Variants in ANGPT2 observed in about 807,000 individuals in gnomAD.
ANGPT2 encodes the protein angiopoietin 2.
Under a neutral mutation model 62.9 loss-of-function variants are expected in ANGPT2, and 28 were observed. The ratio of observed to expected loss-of-function variants is 0.44; its 90% CI spans 0.33 to 0.61. The LOEUF is 0.61. Ranked by LOEUF, ANGPT2 falls within the 20% of genes least tolerant of loss-of-function variation. The pLI is 0.03. For missense variants in ANGPT2, 727 were observed against 594.9 expected (o/e 1.22, Z -2.31); for synonymous variants, 284 against 207.8 (o/e 1.37, Z -3.15).
At chr8:6,514,567 A>G (rs1815859550) in intron 6 of ANGPT2, 110 bp downstream of exon 6, 1 of 937,338 alleles carries the variant, frequency 1.1e-6, no homozygotes, top group Non-Finnish European at 1.7e-6. Context: ...TTTAAAAACC[A>G]TGTCAAAAGT....
At chr8:6,521,063 T>C (rs1817242894) in intron 4 of ANGPT2, 115 bp downstream of exon 4, 2 of 699,524 alleles carry the variant, frequency 2.9e-6, no homozygotes, top group African/African-American at 1.8e-5. Context: ...AGATATTTCA[T>C]ATGAAATATA....
chr8:6,540,963 TC>T (rs144937520), intron 1 of ANGPT2, among the ~76,000 whole-genome samples: 70 of 152,298 alleles, frequency 4.6e-4, no homozygotes, highest in African/African-American at 1.7e-3. Flanking sequence ...GGGACTGCTG[TC>T]CCCAGGGGGC....
intron 1 of ANGPT2, among the ~76,000 whole-genome samples, chr8:6,548,347 C>T (rs1586556336): frequency 6.6e-6 from 1 of 152,192 alleles, no homozygotes; most frequent in East Asian, 1.9e-4. Context: ...ACTTAGATGC[C>T]TTTCATGGGC....
At chr8:6,549,022 A>G (rs903627963) in intron 1 of ANGPT2, among the ~76,000 whole-genome samples, 35 of 152,364 alleles carry the variant, frequency 2.3e-4, no homozygotes, top group African/African-American at 8.2e-4. Context: ...TCACGGAATA[A>G]ACACCAAGAC....
In ANGPT2 at chr8:6,527,638, C is replaced by G. The variant is rs998218905; in HGVS notation, c.483G>C (p.Leu161Phe). Residue 161 changes from leucine to phenylalanine, a missense_variant, in exon 3 of 9, where the codon TTG becomes TTC. Leu to Phe is a conservative substitution (Grantham distance 22). Coordinates refer to ENST00000629816, the MANE Select transcript of ANGPT2 (RefSeq NM_001118887.2). ...ATTTGTTTGTCGAGAGGGAGTGTTC[C>G]AAGAGCTGAAGTTCAAGTCTCGTGG... ...NQTTRLELQL[L>F]EHSLSTNKLE... 6.2e-7 allele frequency: 1 copy of G among 1,613,874 alleles called. No individual in the cohort carries two copies. Among genetic ancestry groups the G allele is most frequent in the East Asian group, 2.2e-5 (1 of 44,866 alleles).
chr8:6,500,056 T>C lies in ANGPT2; in HGVS notation c.*3045A>G. 1 of 785,830 alleles carries C rather than the reference T, an allele frequency of 1.3e-6. No homozygotes were observed. The allele number at this position is 785,830 out of a possible 1,614,324, so 48.7% of individuals were successfully genotyped here. ...ATTATGCCCATAATTAAAAAGACAT[T>C]CACAGAACTTAACACCTTTTATCAA... On this transcript the variant is annotated 3_prime_UTR_variant, in exon 9 of 9. Transcript: ENST00000629816.
At chr8:6,535,471 A>G (rs764248639) in intron 1 of ANGPT2, among the ~76,000 whole-genome samples, 1 of 152,210 alleles carries the variant, frequency 6.6e-6, no homozygotes, top group Non-Finnish European at 1.5e-5. Context: ...GCTATTCAGG[A>G]TGACTAAGTA....
At chr8:6,516,250 A>C (rs566434315) in intron 5 of ANGPT2, among the ~76,000 whole-genome samples, 5 of 152,336 alleles carry the variant, frequency 3.3e-5, no homozygotes, top group African/African-American at 4.8e-5. Flanking sequence ...TCATTGCTAC[A>C]CACCACTCTC....
At chr8:6,505,563 GTATA>G (rs1261793267) in intron 8 of ANGPT2, among the ~76,000 whole-genome samples, 2 of 73,230 alleles carry the variant, frequency 2.7e-5, no homozygotes, top group East Asian at 4.4e-4. Flanking sequence ...CTTTATATAT[GTATA>G]TATAGAATGT....
chr8:6,536,583 C>A (rs142042260), intron 1 of ANGPT2, among the ~76,000 whole-genome samples: 1 of 152,112 alleles, frequency 6.6e-6, no homozygotes, highest in Admixed American at 6.5e-5. Flanking sequence ...AGCATCCTGA[C>A]AAAAGAATCT....
intron 1 of ANGPT2, among the ~76,000 whole-genome samples, chr8:6,540,087 C>T (rs1044858630): frequency 1.3e-5 from 2 of 152,158 alleles, no homozygotes; most frequent in Non-Finnish European, 2.9e-5. Context: ...ATAGGTACAC[C>T]CTACAGTAAT....
chr8:6,505,619 A>G (rs1468840307), intron 8 of ANGPT2, among the ~76,000 whole-genome samples: 6 of 128,402 alleles, frequency 4.7e-5, no homozygotes, highest in African/African-American at 1.7e-4. Flanking sequence ...TTCTTTATAT[A>G]TTTATATATG....
At chr8:6,553,794 G>C (rs1012010469) in intron 1 of ANGPT2, among the ~76,000 whole-genome samples, 2 of 152,022 alleles carry the variant, frequency 1.3e-5, no homozygotes, top group Non-Finnish European at 2.9e-5. Flanking sequence ...GCAGAAAAGC[G>C]AATGTCAGAC....
At chr8:6,540,582 C>T (rs932645223) in intron 1 of ANGPT2, among the ~76,000 whole-genome samples, 1 of 152,228 alleles carries the variant, frequency 6.6e-6, no homozygotes, top group Admixed American at 6.5e-5. Flanking sequence ...TACAGTGCAA[C>T]AGACGTTGTC....
At chr8:6,527,796 C>G (rs941241850) in intron 2 of ANGPT2, 120 bp from the exon 3 acceptor site, 1 of 947,218 alleles carries the variant, frequency 1.1e-6, no homozygotes, top group Non-Finnish European at 1.5e-6. Flanking sequence ...ATTTATTAAC[C>G]CAAGTATCTT....
intron 7 of ANGPT2, among the ~76,000 whole-genome samples, chr8:6,513,457 C>G (rs1467804789): frequency 6.6e-6 from 1 of 151,762 alleles, no homozygotes; most frequent in Admixed American, 6.6e-5. Context: ...CTCAGCCTCC[C>G]GAGTAGCTGG....
At chr8:6,526,469 A>T in intron 3 of ANGPT2, among the ~76,000 whole-genome samples, 1 of 152,000 alleles carries the variant, frequency 6.6e-6, no homozygotes, top group Non-Finnish European at 1.5e-5. Flanking sequence ...TGAAATTAGC[A>T]GGATTGTTAT....
rs1816998022 is a variant in ANGPT2 at position 6,519,942 on chromosome 8, A to G, written c.849T>C (p.Cys283=). The G allele has an allele frequency of 1.9e-6, 3 of 1,614,056 alleles. No homozygotes were observed. The highest frequency in any genetic ancestry group is 2.7e-5 in the African/African-American group (2 of 75,058). Residue 283 remains cysteine (C), a synonymous_variant, in exon 5 of 9, where the codon TGT becomes TGC. Coordinates refer to ENST00000629816, the MANE Select transcript of ANGPT2 (RefSeq NM_001118887.2). ...AKEEQISFRD[C]AEVFKSGHTT... ...TGTGTCCTGATTTGAATACTTCAGC[A>G]CAGTCTCTGAAGCTGATTTGTTCTT... is the stretch of plus-strand genomic sequence containing the variant.
At chr8:6,529,030 T>C (rs912174666) in intron 2 of ANGPT2, among the ~76,000 whole-genome samples, 2 of 152,218 alleles carry the variant, frequency 1.3e-5, no homozygotes, top group Non-Finnish European at 2.9e-5. Context: ...ACTGGAAAAT[T>C]GTGTCCTGTT....
Sources: gnomAD v4.1 joint callset for allele counts (sites outside exome capture counted in the v4.1 genomes callset) on GRCh38, gnomAD v4.1.1 for gene constraint, MANE v1.5 for transcripts, NCBI Gene and HGNC (gene_info 2026-07-23, HGNC 2026-07-21) for gene names.